Variants in DNM3 observed in about 807,000 individuals in gnomAD.
DNM3 encodes the protein dynamin 3.
A neutral mutation model predicts 101.6 loss-of-function variants in DNM3; 47 were observed. That is an observed-to-expected ratio of 0.46 (90% CI 0.37 to 0.59). The LOEUF (loss-of-function observed/expected upper bound fraction) is 0.59. DNM3 is among the 20% of genes least tolerant of loss of function. The pLI is 0.00. For synonymous variants in DNM3, 385 were observed against 387.9 expected, an observed-to-expected ratio of 0.99 and a Z score of 0.09; for missense variants, 849 against 1,085.7, an observed-to-expected ratio of 0.78 and a Z score of 3.06.
intron 2 of DNM3, among the ~76,000 whole-genome samples, chr1:171,951,529 T>G (rs2042525539): frequency 6.6e-6 from 1 of 152,314 alleles, no homozygotes; most frequent in Non-Finnish European, 1.5e-5. Context: ...TTTTCTCTAG[T>G]GGTCAATGAG....
intron 14 of DNM3, among the ~76,000 whole-genome samples, chr1:172,188,660 GA>G (rs775299895): frequency 7.2e-5 from 11 of 152,022 alleles, no homozygotes; most frequent in Non-Finnish European, 1.3e-4. Flanking sequence ...GTGTTTGTGT[GA>G]ACATGTTTTA....
At chr1:172,370,774 C>T (rs963848305) in intron 17 of DNM3, among the ~76,000 whole-genome samples, 1 of 151,912 alleles carries the variant, frequency 6.6e-6, no homozygotes, top group Non-Finnish European at 1.5e-5. Flanking sequence ...CATACCATAT[C>T]ATTTATTTCT....
At chr1:172,262,085 G>A (rs1405850016) in intron 15 of DNM3, among the ~76,000 whole-genome samples, 1 of 152,220 alleles carries the variant, frequency 6.6e-6, no homozygotes, top group African/African-American at 2.4e-5. Flanking sequence ...GGTGAGAGCA[G>A]AAATGGCTAT....
intron 12 of DNM3, among the ~76,000 whole-genome samples, chr1:172,089,519 A>T (rs1213285108): frequency 6.6e-6 from 1 of 152,250 alleles, no homozygotes; most frequent in African/African-American, 2.4e-5. Context: ...GAATTATGAG[A>T]AAGAATGTAT....
At chr1:172,010,352 A>C (rs2047024080) in intron 4 of DNM3, among the ~76,000 whole-genome samples, 1 of 151,884 alleles carries the variant, frequency 6.6e-6, no homozygotes. Flanking sequence ...CTTCAGCTTG[A>C]AGAACTTACA....
At chr1:172,286,923 T>C (rs1461187066) in intron 15 of DNM3, among the ~76,000 whole-genome samples, 3 of 152,196 alleles carry the variant, frequency 2.0e-5, no homozygotes, top group Non-Finnish European at 1.5e-5. Flanking sequence ...CAACTCCCAG[T>C]AATCACAACC....
intron 4 of DNM3, among the ~76,000 whole-genome samples, chr1:172,014,874 G>A (rs2047350729): frequency 6.6e-6 from 1 of 152,034 alleles, no homozygotes; most frequent in Non-Finnish European, 1.5e-5. Flanking sequence ...GTACCAGGGT[G>A]ATGTAGGTTT....
chr1:172,207,301 G>C (rs2060357463), intron 14 of DNM3, among the ~76,000 whole-genome samples: 1 of 152,074 alleles, frequency 6.6e-6, no homozygotes, highest in Non-Finnish European at 1.5e-5. Flanking sequence ...TGTTCAATAA[G>C]TGTGTGAATA....
intron 4 of DNM3, among the ~76,000 whole-genome samples, chr1:172,019,657 C>G (rs533911958): frequency 3.0e-5 from 4 of 134,640 alleles, no homozygotes; most frequent in Non-Finnish European, 3.0e-5. Context: ...TCCCACCCTA[C>G]CCCCTAGTAT....
At chr1:172,149,277 C>T (rs953152453) in intron 14 of DNM3, among the ~76,000 whole-genome samples, 3 of 152,032 alleles carry the variant, frequency 2.0e-5, no homozygotes, top group South Asian at 2.1e-4. Context: ...GATAATGTTA[C>T]GTCTTTGAAT....
intron 10 of DNM3, among the ~76,000 whole-genome samples, chr1:172,060,143 T>C (rs1166504499): frequency 3.4e-5 from 5 of 146,056 alleles, no homozygotes; most frequent in African/African-American, 1.0e-4. Flanking sequence ...TTACAAGGGA[T>C]GTGAAGGACC....
At chr1:172,384,049 A>G (rs762127681) in intron 18 of DNM3, among the ~76,000 whole-genome samples, 2 of 152,156 alleles carry the variant, frequency 1.3e-5, no homozygotes, top group South Asian at 4.1e-4. Flanking sequence ...CTTGATTTAA[A>G]TATTTGTACC....
intron 15 of DNM3, among the ~76,000 whole-genome samples, chr1:172,254,575 T>C (rs1482119327): frequency 6.6e-6 from 1 of 152,124 alleles, no homozygotes; most frequent in African/African-American, 2.4e-5. Context: ...TTTCTTAAGG[T>C]CATAAAACTG....
chr1:172,087,316 C>G (rs1449989562), intron 12 of DNM3, among the ~76,000 whole-genome samples: 1 of 152,096 alleles, frequency 6.6e-6, no homozygotes, highest in Non-Finnish European at 1.5e-5. Flanking sequence ...CCCTAGACCC[C>G]CTTCTTTCTC....
chr1:171,844,188 A>G (rs1312772098), intron 1 of DNM3, among the ~76,000 whole-genome samples: 1 of 152,222 alleles, frequency 6.6e-6, no homozygotes, highest in Non-Finnish European at 1.5e-5. Context: ...GCCTAGGTGG[A>G]AAAAATTGTA....
At chr1:171,914,201 A>G (rs1052797208) in intron 1 of DNM3, among the ~76,000 whole-genome samples, 1 of 151,998 alleles carries the variant, frequency 6.6e-6, no homozygotes, top group African/African-American at 2.4e-5. Context: ...CTTGTCGCCC[A>G]GGCTGGAGTG....
chr1:171,999,705 A>G (rs1018842337), intron 4 of DNM3, among the ~76,000 whole-genome samples: 3 of 152,144 alleles, frequency 2.0e-5, no homozygotes, highest in Admixed American at 1.3e-4. Flanking sequence ...GTATCTTGAG[A>G]TGAGATAATC....
intron 15 of DNM3, among the ~76,000 whole-genome samples, chr1:172,262,378 C>G (rs2062694881): frequency 6.6e-6 from 1 of 152,152 alleles, no homozygotes; most frequent in African/African-American, 2.4e-5. Context: ...GGGCTGTGCT[C>G]TCAAAATGGC....
chr1:172,302,255 G>A (rs1335277725), intron 15 of DNM3, among the ~76,000 whole-genome samples: 1 of 152,252 alleles, frequency 6.6e-6, no homozygotes, highest in African/African-American at 2.4e-5. Context: ...CACCCACGGA[G>A]CCTTGCTCAC....
Sources: allele counts gnomAD v4.1 joint callset (sites outside exome capture counted in the v4.1 genomes callset), GRCh38; gene constraint gnomAD v4.1.1; transcripts MANE v1.5; gene names NCBI Gene and HGNC (gene_info 2026-07-23, HGNC 2026-07-21).